The following CHCHD3 variants were observed in gnomAD, a reference collection of about 807,000 sequenced individuals.
CHCHD3 encodes the protein coiled-coil-helix-coiled-coil-helix domain containing 3.
Under a neutral mutation model 38.2 loss-of-function variants are expected in CHCHD3, and 20 were observed. The observed-to-expected ratio is 0.52, with a 90% CI of 0.37 to 0.76. CHCHD3 has a LOEUF of 0.76. CHCHD3 is among the 30% of genes least tolerant of loss of function. CHCHD3 has a pLI of 0.00. For synonymous variants in CHCHD3, 82 were observed against 100.0 expected, an observed-to-expected ratio of 0.82 and a Z score of 1.07; for missense variants, 245 against 279.2, an observed-to-expected ratio of 0.88 and a Z score of 0.87.
chr7:133,076,734 G>A (rs1815001125), intron 1 of CHCHD3, among the ~76,000 whole-genome samples: 1 of 152,180 alleles, frequency 6.6e-6, no homozygotes, highest in Non-Finnish European at 1.5e-5. Context: ...GACTGGGTGA[G>A]TTGGACAAAG....
At chr7:133,062,782 G>A (rs896265769) in intron 2 of CHCHD3, among the ~76,000 whole-genome samples, 1 of 152,092 alleles carries the variant, frequency 6.6e-6, no homozygotes, top group Non-Finnish European at 1.5e-5. Context: ...CTTCTTTCTA[G>A]TAACTTAGGG....
intron 7 of CHCHD3, among the ~76,000 whole-genome samples, chr7:132,785,974 T>TTGGGCAACACAA (rs1806306007): frequency 1.3e-5 from 2 of 152,108 alleles, no homozygotes; most frequent in African/African-American, 4.8e-5. Context: ...GCCCAGAAGC[T>TTGGGCAACACAA]TGAAATCAGC....
At chr7:132,830,702 C>T (rs1313058879) in intron 6 of CHCHD3, 1 of 152,148 alleles carries the variant, frequency 6.6e-6, no homozygotes, top group African/African-American at 2.4e-5. Flanking sequence ...GAAATGAAAT[C>T]CTCCTCCAGC....
At chr7:133,028,863 C>T (rs10237289) in intron 2 of CHCHD3, among the ~76,000 whole-genome samples, 5,214 of 145,868 alleles carry the variant, frequency 0.036, 300 homozygotes, top group African/African-American at 0.13. Context: ...CCGGCCTGGG[C>T]GACAGAGTAA....
At chr7:133,077,088 A>G (rs1815013002) in intron 1 of CHCHD3, among the ~76,000 whole-genome samples, 1 of 152,194 alleles carries the variant, frequency 6.6e-6, no homozygotes, top group Non-Finnish European at 1.5e-5. Context: ...GAGGGAACCC[A>G]TATATATGTT....
chr7:132,978,065 T>C lies in CHCHD3; in HGVS notation c.252-2779A>G, dbSNP rs186264210. 6.2e-3 allele frequency among the ~76,000 whole-genome samples: 944 copies of C among 152,234 alleles called. 5 individuals are homozygous for C. Among genetic ancestry groups the C allele is most frequent in the Middle Eastern group, 0.02 (6 of 294 alleles). ...CGGTGAGTCCTGTTATTCTCATGGG[T>C]AAAATGAAATAGTGTAATACCTACC... On this transcript the variant is annotated intron_variant, in intron 3 of 7. Coordinates refer to ENST00000262570, the MANE Select transcript of CHCHD3 (RefSeq NM_017812.4).
At chr7:132,854,801 T>C (rs930360378) in intron 5 of CHCHD3, among the ~76,000 whole-genome samples, 2 of 152,194 alleles carry the variant, frequency 1.3e-5, no homozygotes, top group African/African-American at 4.8e-5. Context: ...GCTTATGATC[T>C]ACTGAGATGT....
intron 6 of CHCHD3, among the ~76,000 whole-genome samples, chr7:132,807,483 T>G (rs1165114782): frequency 1.3e-5 from 2 of 151,686 alleles, no homozygotes; most frequent in African/African-American, 4.8e-5. Context: ...GGTTAATGAG[T>G]AATGGAAAAT....
chr7:132,798,714 C>T (rs1022000126), intron 6 of CHCHD3, among the ~76,000 whole-genome samples: 2 of 152,088 alleles, frequency 1.3e-5, no homozygotes, highest in South Asian at 2.1e-4. Context: ...CATTAACATA[C>T]GGGAAAAGAC....
At chr7:132,809,214 G>C (rs1383430566) in intron 6 of CHCHD3, among the ~76,000 whole-genome samples, 1 of 151,676 alleles carries the variant, frequency 6.6e-6, no homozygotes, top group African/African-American at 2.4e-5. Flanking sequence ...GCCCTTCTTG[G>C]CCTCCCAAAG....
At chr7:132,921,315 A>G (rs1205363810) in intron 4 of CHCHD3, among the ~76,000 whole-genome samples, 1 of 152,224 alleles carries the variant, frequency 6.6e-6, no homozygotes, top group African/African-American at 2.4e-5. Context: ...CCAATTATAT[A>G]TACTTGAAAT....
At chr7:132,971,870 C>T (rs868700288) in intron 4 of CHCHD3, among the ~76,000 whole-genome samples, 2 of 152,172 alleles carry the variant, frequency 1.3e-5, no homozygotes. Flanking sequence ...AATAGGGGCC[C>T]TCCAAAATAG....
intron 4 of CHCHD3, among the ~76,000 whole-genome samples, chr7:132,931,200 C>T (rs1390318563): frequency 6.6e-6 from 1 of 152,136 alleles, no homozygotes; most frequent in Non-Finnish European, 1.5e-5. Context: ...CTTTTTGATT[C>T]GCATTCCCCT....
intron 4 of CHCHD3, among the ~76,000 whole-genome samples, chr7:132,951,131 T>A (rs538294253): frequency 6.6e-6 from 1 of 152,314 alleles, no homozygotes; most frequent in South Asian, 2.1e-4. Flanking sequence ...CCCCACTGTT[T>A]GTCTGCATGA....
chr7:132,951,186 G>T (rs994326465), intron 4 of CHCHD3, among the ~76,000 whole-genome samples: 2 of 152,134 alleles, frequency 1.3e-5, no homozygotes, highest in African/African-American at 2.4e-5. Context: ...TTAAGAACGT[G>T]ATCAGAATTA....
intron 5 of CHCHD3, among the ~76,000 whole-genome samples, chr7:132,881,197 C>T (rs1439753840): frequency 6.6e-6 from 1 of 152,114 alleles, no homozygotes; most frequent in Non-Finnish European, 1.5e-5. Flanking sequence ...CTTATTACTC[C>T]TAACAAGTTA....
At chr7:132,990,292 G>A (rs1431295447) in intron 3 of CHCHD3, among the ~76,000 whole-genome samples, 2 of 152,190 alleles carry the variant, frequency 1.3e-5, no homozygotes, top group Non-Finnish European at 2.9e-5. Context: ...CTCCCCTGTA[G>A]CATCCTTCAC....
chr7:132,839,368 C>T (rs1217492230), intron 5 of CHCHD3, among the ~76,000 whole-genome samples: 1 of 151,874 alleles, frequency 6.6e-6, no homozygotes, highest in African/African-American at 2.4e-5. Flanking sequence ...CAACATAAAC[C>T]AAGATGCAGT....
intron 1 of CHCHD3, among the ~76,000 whole-genome samples, chr7:133,079,308 A>C (rs1009685295): frequency 5.3e-5 from 8 of 152,252 alleles, no homozygotes; most frequent in Admixed American, 6.5e-5. Flanking sequence ...TCAAATTCTC[A>C]AAGTAGGCTT....
Sources: allele counts gnomAD v4.1 joint callset (sites outside exome capture counted in the v4.1 genomes callset), GRCh38; gene constraint gnomAD v4.1.1; transcripts MANE v1.5; gene names NCBI Gene and HGNC (gene_info 2026-07-23, HGNC 2026-07-21).